HDHD2: variants seen among roughly 807,000 people sequenced by gnomAD.
The protein encoded by HDHD2 is haloacid dehalogenase like hydrolase domain containing 2.
In HDHD2, 26 loss-of-function variants were observed where a neutral mutation model predicts 24.8. The ratio of observed to expected loss-of-function variants is 1.05; its 90% CI spans 0.77 to 1.45. HDHD2 has a LOEUF of 1.45. Among genes scored for constraint, HDHD2 ranks in the 40% most tolerant of loss-of-function variants. The pLI is 0.00. For synonymous variants in HDHD2, 128 were observed against 114.9 expected (o/e 1.11, Z -0.73); for missense variants, 299 against 313.4 (o/e 0.95, Z 0.35).
intron 3 of HDHD2, among the ~76,000 whole-genome samples, chr18:47,134,042 G>A (rs2144351707): frequency 6.6e-6 from 1 of 152,290 alleles, no homozygotes; most frequent in East Asian, 1.9e-4. Context: ...TACACATGAA[G>A]TCCTTGACCA....
intron 1 of HDHD2, among the ~76,000 whole-genome samples, chr18:47,144,196 C>A (rs1052973084): frequency 6.6e-6 from 1 of 152,128 alleles, no homozygotes; most frequent in Non-Finnish European, 1.5e-5. Context: ...CCTGTTTTGG[C>A]TCCAAACGTA....
chr18:47,125,810 G>A (rs1409505986), intron 4 of HDHD2, among the ~76,000 whole-genome samples: 1 of 152,102 alleles, frequency 6.6e-6, no homozygotes, highest in Non-Finnish European at 1.5e-5. Flanking sequence ...GGTTACATAG[G>A]TATATCTATG....
At chr18:47,117,267 C>T (rs1367328775) in intron 4 of HDHD2, among the ~76,000 whole-genome samples, 1 of 152,188 alleles carries the variant, frequency 6.6e-6, no homozygotes, top group South Asian at 2.1e-4. Context: ...GTGACTATGG[C>T]TTGTCCCCCC....
At chr18:47,146,390 C>T (rs2063870694) in intron 1 of HDHD2, among the ~76,000 whole-genome samples, 1 of 152,168 alleles carries the variant, frequency 6.6e-6, no homozygotes, top group African/African-American at 2.4e-5. Flanking sequence ...AGGCTGTCAA[C>T]AGCAATTCCC....
intron 4 of HDHD2, among the ~76,000 whole-genome samples, chr18:47,116,530 CCTTA>C (rs1422462012): frequency 6.6e-6 from 1 of 152,140 alleles, no homozygotes; most frequent in Non-Finnish European, 1.5e-5. Flanking sequence ...TATTACAGGG[CCTTA>C]CTGTTAGTTA....
chr18:47,118,674 T>C (rs1239859085), intron 4 of HDHD2, among the ~76,000 whole-genome samples: 1 of 152,200 alleles, frequency 6.6e-6, no homozygotes, highest in Non-Finnish European at 1.5e-5. Flanking sequence ...CAAATCTTCA[T>C]GGCACACGTT....
chr18:47,146,670 T>A (rs573188486), intron 1 of HDHD2, among the ~76,000 whole-genome samples: 1 of 152,288 alleles, frequency 6.6e-6, no homozygotes, highest in South Asian at 2.1e-4. Flanking sequence ...AGAAAGAACT[T>A]ACATTCACAC....
intron 6 of HDHD2, chr18:47,109,723 C>T (rs1452747681): frequency 6.5e-6 from 1 of 153,560 alleles, no homozygotes; most frequent in Non-Finnish European, 1.4e-5. Flanking sequence ...AGGTCAGACC[C>T]CACCTTCCCA....
chr18:47,130,264 T>C lies in HDHD2; in HGVS notation c.375A>G (p.Gln125=), dbSNP rs772414238. The C allele has an allele frequency of 1.2e-6, 2 of 1,602,136 alleles. No individual in the cohort carries two copies. The highest frequency in any genetic ancestry group is 1.7e-6 in the Non-Finnish European group (2 of 1,170,256). ...TTTACCGGAATGCTTGATTCAGAAT[T>C]TGATAATGAAAATGTTCTGGTGCCA... is the stretch of plus-strand genomic sequence containing the variant. The part of the protein sequence containing the change: ...MGLAPEHFHY[Q]ILNQAFRLLL... The change falls in exon 4 of 7, where the codon CAA becomes CAG. Residue 125 remains glutamine, a synonymous_variant. Transcript: ENST00000300605.
At chr18:47,115,720 G>T (rs973966789) in intron 4 of HDHD2, among the ~76,000 whole-genome samples, 1 of 152,144 alleles carries the variant, frequency 6.6e-6, no homozygotes, top group Admixed American at 6.5e-5. Context: ...TGGTAAGCAG[G>T]AGGCTCCTGA....
At chr18:47,133,078 G>A (rs548588461) in intron 3 of HDHD2, among the ~76,000 whole-genome samples, 26 of 152,210 alleles carry the variant, frequency 1.7e-4, no homozygotes, top group African/African-American at 6.3e-4. Context: ...CATGTGCCAT[G>A]TTGGTGTGCT....
At chr18:47,113,702 C>T (rs367740662) in intron 5 of HDHD2, among the ~76,000 whole-genome samples, 117 of 151,962 alleles carry the variant, frequency 7.7e-4, no homozygotes, top group Non-Finnish European at 1.2e-3. Flanking sequence ...ATTAATCTTG[C>T]CACCTCATGT....
At chr18:47,149,881 A>G (rs1250783969) in intron 1 of HDHD2, among the ~76,000 whole-genome samples, 1 of 152,154 alleles carries the variant, frequency 6.6e-6, no homozygotes, top group African/African-American at 2.4e-5. Context: ...TAGGCGTTCA[A>G]TAAAGATCGT....
At chr18:47,131,740 C>T (rs1349310721) in intron 3 of HDHD2, among the ~76,000 whole-genome samples, 3 of 151,930 alleles carry the variant, frequency 2.0e-5, no homozygotes, top group African/African-American at 7.3e-5. Flanking sequence ...CTATATATAC[C>T]TTTAATTAAA....
intron 6 of HDHD2, chr18:47,111,826 T>C: frequency 1.0e-6 from 1 of 984,604 alleles, no homozygotes; most frequent in Non-Finnish European, 1.2e-6. Context: ...AACCACATTT[T>C]CTTGAACAAA....
At position 47,108,635 on chromosome 18, in the gene HDHD2, G is replaced by C; in HGVS notation, c.*47C>G. 2 of 1,023,642 alleles carry C rather than the reference G, an allele frequency of 2.0e-6. No homozygotes were observed. Among genetic ancestry groups the C allele is most frequent in the Non-Finnish European group, 1.5e-6 (1 of 661,306 alleles). The allele number at this position is 1,023,642 out of a possible 1,614,324, so 63.4% of individuals were successfully genotyped here. A position where few individuals can be genotyped will look rare whatever the true frequency, so the allele number is the denominator to read the frequency against. ...CTGAGTTGGTAAGGGATTCATTCCA[G>C]ACAATAAGAAGCTGCATTTCAAGTT... On this transcript the variant is annotated 3_prime_UTR_variant, in exon 7 of 7. Transcript: ENST00000300605.
rs2063747251 is a variant in HDHD2, at chr18:47,134,714, G to A, written c.102-10C>T. 3.7e-6 allele frequency: 6 copies of A among 1,607,594 alleles called. No individual in the cohort carries two copies. The highest frequency in any genetic ancestry group is 2.7e-5 in the African/African-American group (2 of 74,642). ...AGAAGCACCACGTAACCTGGAGAGG[G>A]CCAAATTCAGAAGTCAAAAGGCAGC... On this transcript the variant is annotated splice_polypyrimidine_tract_variant and intron_variant, in intron 2 of 6. Transcript: ENST00000300605.
At chr18:47,113,113 T>C in intron 5 of HDHD2, 73 bp from the exon 6 acceptor site, 1 of 1,275,528 alleles carries the variant, frequency 7.8e-7, no homozygotes, top group Non-Finnish European at 1.1e-6. Context: ...CCAACTGATT[T>C]ATTAGGCTAG....
intron 1 of HDHD2, among the ~76,000 whole-genome samples, chr18:47,143,892 G>A (rs9304341): frequency 0.45 from 68,176 of 151,932 alleles, 15,452 homozygotes; most frequent in Middle Eastern, 0.55. Context: ...CAATGTAGAA[G>A]CTTATCGTTT....
Sources: allele counts gnomAD v4.1 joint callset (sites outside exome capture counted in the v4.1 genomes callset), GRCh38; gene constraint gnomAD v4.1.1; transcripts MANE v1.5; gene names NCBI Gene and HGNC (gene_info 2026-07-23, HGNC 2026-07-21).